The following PCLO variants were observed in gnomAD, a reference collection of about 807,000 sequenced individuals.
PCLO encodes the protein piccolo presynaptic cytomatrix protein.
Under a neutral mutation model 427.5 loss-of-function variants are expected in PCLO, and 82 were observed. That is an observed-to-expected ratio of 0.19 (90% CI 0.16 to 0.23). PCLO has a LOEUF of 0.23. PCLO is among the 10% of genes least tolerant of loss of function. The pLI, the probability that PCLO is intolerant of heterozygous loss-of-function variation, is 1.00. For synonymous variants in PCLO, 2,357 were observed against 2,155.4 expected (o/e 1.09, Z -2.59); for missense variants, 6,239 against 6,115.9 (o/e 1.02, Z -0.67).
Position 82,955,963 on chromosome 7 carries a change from G to A in PCLO, c.4990C>T (p.Leu1664=). 1 of 1,613,550 alleles carries A rather than the reference G, an allele frequency of 6.2e-7. No individual in the cohort carries two copies. The highest frequency in any genetic ancestry group is 2.2e-5 in the East Asian group (1 of 44,880). The change falls in exon 5 of 25, where the codon CTA becomes TTA. Residue 1664 remains leucine (L), a synonymous_variant. Coordinates refer to ENST00000333891, the MANE Select transcript of PCLO (RefSeq NM_033026.6). The part of the protein sequence containing the change: ...EELVVTGGGG[L]RRFKTIELNS... ...AGCTCAATTGTTTTAAATCGGCGTAGCCCTCCTCCTCCAGTAACTACAAGT... is the reference window on the plus strand; with the variant it reads ...AGCTCAATTGTTTTAAATCGGCGTAACCCTCCTCCTCCAGTAACTACAAGT...
intron 3 of PCLO, among the ~76,000 whole-genome samples, chr7:83,016,263 G>A (rs560736029): frequency 6.7e-6 from 1 of 149,652 alleles, no homozygotes; most frequent in African/African-American, 2.4e-5. Flanking sequence ...TAAAATGGGG[G>A]AAAAAAAAAC....
intron 2 of PCLO, among the ~76,000 whole-genome samples, chr7:83,141,738 A>G (rs1456431382): frequency 6.6e-6 from 1 of 152,206 alleles, no homozygotes; most frequent in Non-Finnish European, 1.5e-5. Flanking sequence ...GATAATCATA[A>G]GCACCCTATT....
At chr7:83,112,370 T>G (rs1387064929) in intron 3 of PCLO, among the ~76,000 whole-genome samples, 1 of 152,172 alleles carries the variant, frequency 6.6e-6, no homozygotes, top group Non-Finnish European at 1.5e-5. Flanking sequence ...TGTATTTTTT[T>G]AAGAACGGGA....
At chr7:82,793,006 CTT>C (rs367844233) in intron 22 of PCLO, among the ~76,000 whole-genome samples, 4 of 147,282 alleles carry the variant, frequency 2.7e-5, no homozygotes, top group African/African-American at 5.0e-5. Context: ...TTATTAATTG[CTT>C]TTTTTTTTTA....
At position 82,951,713 on chromosome 7, in the gene PCLO, T is replaced by C. The variant is rs570187432; in HGVS notation, c.9097+143A>G. ...AAATGAAGGAACAAAAGCGCACTTG[T>C]ACTCCAAAATATGCTGCTATAACAT... On this transcript the variant is annotated intron_variant, in intron 5 of 24. Transcript: ENST00000333891. 5.9e-4 allele frequency: 748 copies of C among 1,268,092 alleles called. 8 individuals are homozygous for C. In the South Asian group the frequency reaches 0.01, roughly 18 times the overall value. 78.6% of individuals were successfully genotyped at this position (1,268,092 alleles called of 1,614,324 possible). A position where few individuals can be genotyped will look rare whatever the true frequency, so the allele number is the denominator to read the frequency against.
intron 3 of PCLO, among the ~76,000 whole-genome samples, chr7:83,093,715 G>A (rs1233814248): frequency 3.4e-5 from 5 of 146,092 alleles, no homozygotes; most frequent in Admixed American, 2.8e-4. Context: ...GGATGGTCTC[G>A]ATCTCCTGAC....
Position 82,802,040 on chromosome 7 carries a change from G to T in PCLO, c.14934-449C>A, listed in dbSNP as rs1024712792. Among the ~76,000 whole-genome samples, 192 of 151,588 alleles carry T rather than the reference G, an allele frequency of 1.3e-3. 1 individual carries two copies. The highest frequency in any genetic ancestry group is 4.6e-3 in the African/African-American group (191 of 41,392). On this transcript the variant is annotated intron_variant, in intron 21 of 24. Transcript: ENST00000333891. ...ATTGAATTAAATAATATATAAAAAT[G>T]ATATTTTAATAAAATATTTCTTATT...
chr7:83,006,071 T>C (rs1428190428), intron 3 of PCLO, among the ~76,000 whole-genome samples: 2 of 151,634 alleles, frequency 1.3e-5, no homozygotes, highest in African/African-American at 4.8e-5. Flanking sequence ...ATGCATTTTA[T>C]GGCTTTCAGT....
intron 10 of PCLO, among the ~76,000 whole-genome samples, chr7:82,878,709 A>G (rs1337494204): frequency 6.6e-6 from 1 of 152,214 alleles, no homozygotes; most frequent in African/African-American, 2.4e-5. Flanking sequence ...GGCGATTAGT[A>G]TCTAAAAATA....
chr7:82,925,498 T>A (rs1794691643), intron 6 of PCLO, among the ~76,000 whole-genome samples: 1 of 152,108 alleles, frequency 6.6e-6, no homozygotes, highest in South Asian at 2.1e-4. Context: ...GGTCCCCACC[T>A]GCACTCCAAC....
intron 3 of PCLO, among the ~76,000 whole-genome samples, chr7:83,024,003 C>T (rs534710928): frequency 6.6e-6 from 1 of 152,316 alleles, no homozygotes; most frequent in South Asian, 2.1e-4. Flanking sequence ...CATTCTTTCA[C>T]TCAGTGATCA....
At chr7:83,146,419 T>G (rs1391537447) in intron 2 of PCLO, among the ~76,000 whole-genome samples, 2 of 152,172 alleles carry the variant, frequency 1.3e-5, no homozygotes, top group African/African-American at 4.8e-5. Context: ...ATTAGAATTA[T>G]TTCTAAATGG....
intron 9 of PCLO, among the ~76,000 whole-genome samples, chr7:82,896,059 G>C (rs181360538): frequency 6.6e-6 from 1 of 151,732 alleles, no homozygotes; most frequent in Non-Finnish European, 1.5e-5. Context: ...ACAAAGCAAA[G>C]TAAATCATGA....
At position 83,050,584 on chromosome 7, in the gene PCLO, A is replaced by G. The variant is rs559474953; in HGVS notation, c.3300+83666T>C. Among the ~76,000 whole-genome samples, 7 of 152,172 alleles carry G rather than the reference A, an allele frequency of 4.6e-5. 1 individual carries two copies. The highest frequency in any genetic ancestry group is 1.7e-4 in the African/African-American group (7 of 41,536). The stretch of plus-strand genomic sequence containing the variant: ...TAACGAAGTATAAAAAGAAAATTAT[A>G]TACAACAACCAATTGTTGGATTTAT... On this transcript the variant is annotated intron_variant, in intron 3 of 24. Coordinates refer to ENST00000333891, the MANE Select transcript of PCLO (RefSeq NM_033026.6).
intron 3 of PCLO, among the ~76,000 whole-genome samples, chr7:83,056,483 C>T (rs991320962): frequency 9.9e-5 from 15 of 152,110 alleles, no homozygotes; most frequent in African/African-American, 2.7e-4. Flanking sequence ...ATATCCACGT[C>T]GAATGAGGAT....
intron 7 of PCLO, among the ~76,000 whole-genome samples, chr7:82,910,241 C>T (rs1794290412): frequency 6.6e-6 from 1 of 152,058 alleles, no homozygotes; most frequent in Non-Finnish European, 1.5e-5. Context: ...TTTCTATCTA[C>T]ATTCCTGACT....
chr7:83,106,512 TATAATA>T (rs1790860535), intron 3 of PCLO, among the ~76,000 whole-genome samples: 1 of 152,202 alleles, frequency 6.6e-6, no homozygotes, highest in South Asian at 2.1e-4. Flanking sequence ...ATATTTCTAC[TATAATA>T]ATAACTACTC....
chr7:82,926,964 G>A (rs1794726394), intron 6 of PCLO, among the ~76,000 whole-genome samples: 1 of 151,898 alleles, frequency 6.6e-6, no homozygotes, highest in Non-Finnish European at 1.5e-5. Context: ...TACAACAAAG[G>A]GAACAAAATA....
intron 4 of PCLO, among the ~76,000 whole-genome samples, chr7:82,958,796 T>C (rs1308865675): frequency 6.6e-6 from 1 of 152,222 alleles, no homozygotes; most frequent in Non-Finnish European, 1.5e-5. Flanking sequence ...AGCTGCCTTC[T>C]AATAAATGCT....
Sources: allele counts gnomAD v4.1 joint callset (sites outside exome capture counted in the v4.1 genomes callset), GRCh38; gene constraint gnomAD v4.1.1; transcripts MANE v1.5; gene names NCBI Gene and HGNC (gene_info 2026-07-23, HGNC 2026-07-21).